The following RP1L1 variants were observed in gnomAD, a reference collection of about 807,000 sequenced individuals.
The protein encoded by RP1L1 is RP1 like 1.
In RP1L1, 27 loss-of-function variants were observed where a neutral mutation model predicts 15.7. The ratio of observed to expected loss-of-function variants is 1.72; its 90% confidence interval spans 1.27 to 2.38. RP1L1 has a LOEUF of 2.38. Ranked by LOEUF, RP1L1 falls within the 30% of genes most tolerant of loss-of-function variation. The pLI is 0.00. For missense variants in RP1L1, 4,798 were observed against 3,075.9 expected, an observed-to-expected ratio of 1.56 and a Z score of -13.24; for synonymous variants, 1,813 against 1,276.7, an observed-to-expected ratio of 1.42 and a Z score of -8.96.
At position 10,609,191 on chromosome 8, in the gene RP1L1, TCGTC is replaced by T. The variant is rs985165663; in HGVS notation, c.4903_4906del (p.Asp1635SerfsTer28). 2 of 1,611,302 alleles carry T rather than the reference TCGTC, an allele frequency of 1.2e-6. No individual in the cohort carries two copies. Among genetic ancestry groups the T allele is most frequent in the Non-Finnish European group, 1.7e-6 (2 of 1,179,536 alleles). ...CCCCAGGGCTGTGCTGAGGGCTGGC[TCGTC>T]CTCCAGGGTGAAGGAGAGGGGCCCC... On this transcript the variant is annotated frameshift_variant, in exon 4 of 4. Transcript: ENST00000382483. LOFTEE classifies it low-confidence loss of function (END_TRUNC).
At chr8:10,619,351 G>A (rs1251617997) in intron 2 of RP1L1, among the ~76,000 whole-genome samples, 1 of 152,226 alleles carries the variant, frequency 6.6e-6, no homozygotes, top group Non-Finnish European at 1.5e-5. Flanking sequence ...GGAAGTCAAA[G>A]ATGCAGAGAG....
chr8:10,634,225 C>T (rs1188672688), intron 1 of RP1L1, among the ~76,000 whole-genome samples: 1 of 152,244 alleles, frequency 6.6e-6, no homozygotes, highest in Non-Finnish European at 1.5e-5. Context: ...ACTTATCCAC[C>T]TCCTAAATCA....
At chr8:10,638,475 T>G (rs1798362211) in intron 1 of RP1L1, among the ~76,000 whole-genome samples, 1 of 152,174 alleles carries the variant, frequency 6.6e-6, no homozygotes. Flanking sequence ...AAATTTCTAC[T>G]TCAATTGTTT....
intron 2 of RP1L1, chr8:10,621,295 G>A: frequency 6.2e-6 from 1 of 161,478 alleles, no homozygotes; most frequent in Non-Finnish European, 1.3e-5. Context: ...TGCTGTAGCT[G>A]ATGTTTATAA....
chr8:10,637,766 T>C (rs1320420374), intron 1 of RP1L1, among the ~76,000 whole-genome samples: 1 of 152,102 alleles, frequency 6.6e-6, no homozygotes, highest in Non-Finnish European at 1.5e-5. Context: ...CCTAGGTTGG[T>C]TGAGACAGGA....
At position 10,607,274 on chromosome 8, in the gene RP1L1, T is replaced by A. The variant is rs772337670; in HGVS notation, c.6824A>T (p.Asp2275Val). The part of the protein sequence containing the change: ...ASESSSPVPE[D>V]RPTPPPSPGG... Reference sequence around the variant, plus strand: ...TGGGGAAGGGGGTGGAGTGGGCCTGTCCTCAGGGACTGGGCTGCTGCTTTC... The same window carrying A: ...TGGGGAAGGGGGTGGAGTGGGCCTGACCTCAGGGACTGGGCTGCTGCTTTC... Residue 2275 changes from aspartate (D) to valine (V), a missense_variant, in exon 4 of 4, where the codon GAC (aspartate) becomes GTC (valine). Coordinates refer to ENST00000382483, the MANE Select transcript of RP1L1 (RefSeq NM_178857.6). The A allele has an allele frequency of 1.2e-6, 2 of 1,614,094 alleles. No individual in the cohort carries two copies. Among genetic ancestry groups the A allele is most frequent in the African/African-American group, 1.3e-5 (1 of 74,932 alleles).
chr8:10,648,040 T>TC (rs1415348070), intron 1 of RP1L1, among the ~76,000 whole-genome samples: 1 of 147,912 alleles, frequency 6.8e-6, no homozygotes, highest in Non-Finnish European at 1.5e-5. Context: ...TCTCTTTTCT[T>TC]TTTTTTTTTT....
intron 2 of RP1L1, among the ~76,000 whole-genome samples, chr8:10,617,814 C>G (rs566745629): frequency 6.6e-6 from 1 of 152,212 alleles, no homozygotes; most frequent in East Asian, 1.9e-4. Flanking sequence ...CCTCGGCCTC[C>G]CAAAGTGCTG....
rs1797798972 is a variant in RP1L1 at position 10,609,948 on chromosome 8, C to G, written c.4150G>C (p.Gly1384Arg). 8.2e-6 allele frequency: 13 copies of G among 1,594,040 alleles called. No homozygotes were observed. In the East Asian group the frequency reaches 2.9e-4, roughly 36 times the overall value. Residue 1384 changes from glycine to arginine, a missense_variant, in exon 4 of 4, where the codon GGA becomes CGA. Physicochemically the swap from Gly to Arg is moderately radical, Grantham distance 125 (BLOSUM62 -2). Coordinates refer to ENST00000382483, the MANE Select transcript of RP1L1 (RefSeq NM_178857.6). ...TCTTCAAGAGCCTCTCCTTGCAGTC[C>G]TCCTTCTGGCCCTTCTTTAACTTCC... ...LEEVKEGPEG[G>R]LQGEALEEGL...
rs1255328415 is a variant in RP1L1, at chr8:10,612,717, G to A, written c.1381C>T (p.Leu461Phe). 2.1e-5 allele frequency: 33 copies of A among 1,605,208 alleles called. No individual in the cohort carries two copies. The highest frequency in any genetic ancestry group is 2.7e-5 in the Non-Finnish European group (32 of 1,178,848). ...DSASPASSTG[L>F]PEGSEPESSC... ...GACTCTGGCTCCGAGCCCTCGGGGA[G>A]GCCGGTGCTGGAGGCTGGGCTGGCA... is the stretch of plus-strand genomic sequence containing the variant. Residue 461 changes from leucine to phenylalanine, a missense_variant, in exon 4 of 4, where the codon CTC becomes TTC. By Grantham distance (22) the Leu-to-Phe change is conservative. Transcript: ENST00000382483.
At position 10,608,973 on chromosome 8, in the gene RP1L1, C is replaced by T; in HGVS notation, c.5125G>A (p.Ala1709Thr). The T allele has an allele frequency of 6.2e-7, 1 of 1,613,178 alleles. No homozygotes were observed. Among genetic ancestry groups the T allele is most frequent in the Non-Finnish European group, 8.5e-7 (1 of 1,179,208 alleles). The change falls in exon 4 of 4, where the codon GCC becomes ACC. Residue 1709 changes from alanine to threonine, a missense_variant. Ala to Thr is a moderately conservative substitution (Grantham distance 58). Transcript: ENST00000382483. ...EHTDGEAAEV[A>T]PGKTHTDPTS... The stretch of plus-strand genomic sequence containing the variant: ...GGGTCCGTGTGGGTCTTGCCAGGGG[C>T]CACCTCTGCTGCCTCCCCATCAGTG...
rs368139274 is a variant in RP1L1, at chr8:10,607,939, G to A, written c.6159C>T (p.Asp2053=). The A allele has an allele frequency of 2.6e-4, 393 of 1,535,230 alleles. No homozygotes were observed. The highest frequency in any genetic ancestry group is 5.5e-4 in the Admixed American group (29 of 52,992). ...CTTCTGCCTCCGGGGCCTCTACACC[G>A]TCTGACTCTGGCTGGGCATCCCCTT... ...KTEGDAQPES[D]GVEAPEAEEE... The change falls in exon 4 of 4, where the codon GAC becomes GAT. Residue 2053 remains aspartate, a synonymous_variant. Transcript: ENST00000382483.
rs748544867 is a variant in RP1L1 at position 10,609,165 on chromosome 8, TC to T, written c.4932del (p.Ser1645AlafsTer19). The T allele has an allele frequency of 5.6e-6, 9 of 1,612,368 alleles. No individual in the cohort carries two copies. Among genetic ancestry groups the T allele is most frequent in the Non-Finnish European group, 7.6e-6 (9 of 1,179,460 alleles). ...CCCTCCGCCTCCTCGCCCAGCTGGC[TC>T]CCCAGGGCTGTGCTGAGGGCTGGCT... ...EDEPALSTAL[G>X]SQLGEEAEGE... On this transcript the variant is annotated frameshift_variant, in exon 4 of 4. Transcript: ENST00000382483. LOFTEE classifies it low-confidence loss of function (END_TRUNC).
chr8:10,630,216 C>T (rs1798220549), intron 1 of RP1L1, among the ~76,000 whole-genome samples: 1 of 152,212 alleles, frequency 6.6e-6, no homozygotes, highest in Non-Finnish European at 1.5e-5. Context: ...CCCATCTTGC[C>T]ATCTTCAGTC....
intron 2 of RP1L1, among the ~76,000 whole-genome samples, chr8:10,617,195 C>T (rs1226135137): frequency 6.6e-6 from 1 of 152,024 alleles, no homozygotes; most frequent in Non-Finnish European, 1.5e-5. Flanking sequence ...CACTCCTGGG[C>T]TCAGGGCAGG....
In RP1L1 at chr8:10,612,736, G is replaced by T. The variant is rs753103984; in HGVS notation, c.1362C>A (p.Ser454Arg). 3.1e-6 allele frequency: 5 copies of T among 1,606,946 alleles called. No homozygotes were observed. The South Asian group carries it at 5.5e-5, about 18-fold the overall frequency. The stretch of plus-strand genomic sequence containing the variant: ...CGGGGAGGCCGGTGCTGGAGGCTGG[G>T]CTGGCACTGTCCTGGCTGCATCTCT... ...GRERCSQDSA[S>R]PASSTGLPEG... is the part of the protein sequence containing the mutation. Residue 454 changes from serine to arginine, a missense_variant, in exon 4 of 4, where the codon AGC (serine) becomes AGA (arginine). By Grantham distance (110) the Ser-to-Arg change is moderately radical (BLOSUM62 -1). Coordinates refer to ENST00000382483, the MANE Select transcript of RP1L1 (RefSeq NM_178857.6).
intron 1 of RP1L1, among the ~76,000 whole-genome samples, chr8:10,651,284 G>C (rs749634639): frequency 1.5e-4 from 23 of 152,174 alleles, no homozygotes; most frequent in Non-Finnish European, 2.9e-4. Flanking sequence ...AAAACCTCCA[G>C]GTGATTGTGC....
At position 10,610,169 on chromosome 8, in the gene RP1L1, G is replaced by A. The variant is rs755496907; in HGVS notation, c.3929C>T (p.Thr1310Ile). Reference sequence around the variant, plus strand: ...CTCTTCTTGCAGCCCTTCTCCTTCTGTTCCTTCTTTAGTTTCCTCTAATTG... The same window carrying A: ...CTCTTCTTGCAGCCCTTCTCCTTCTATTCCTTCTTTAGTTTCCTCTAATTG... ...EVQLEETKEG[T>I]EGEGLQEEAV... Residue 1310 changes from threonine (T) to isoleucine (I), a missense_variant, in exon 4 of 4, where the codon ACA becomes ATA. Physicochemically the swap from Thr to Ile is moderately conservative, Grantham distance 89. Coordinates refer to ENST00000382483, the MANE Select transcript of RP1L1 (RefSeq NM_178857.6). 1 of 530,572 alleles carries A rather than the reference G, an allele frequency of 1.9e-6. No homozygotes were observed. The highest frequency in any genetic ancestry group is 3.2e-6 in the Non-Finnish European group (1 of 316,414). The allele number at this position is 530,572 out of a possible 1,614,324, so 32.9% of individuals were successfully genotyped here.
chr8:10,631,115 G>A (rs1323172878), intron 1 of RP1L1, among the ~76,000 whole-genome samples: 1 of 152,118 alleles, frequency 6.6e-6, no homozygotes, highest in Non-Finnish European at 1.5e-5. Flanking sequence ...GCCTAACGTT[G>A]TGAAAGCGGT....
Sources: allele counts gnomAD v4.1 joint callset (sites outside exome capture counted in the v4.1 genomes callset), GRCh38; gene constraint gnomAD v4.1.1; transcripts MANE v1.5; gene names NCBI Gene and HGNC (gene_info 2026-07-23, HGNC 2026-07-21).